Variants in SNX31 observed in about 807,000 individuals in gnomAD.
The protein encoded by SNX31 is sorting nexin-31.
A neutral mutation model predicts 65.4 loss-of-function variants in SNX31; 58 were observed. That is an observed-to-expected ratio of 0.89 (90% CI 0.72 to 1.10). The LOEUF is 1.10. Ranked by LOEUF, SNX31 falls within the 50% of genes least tolerant of loss-of-function variation. The probability of loss-of-function intolerance (pLI) is 0.00; values close to 1 mark genes in which losing one functional copy is unlikely to be tolerated. For missense variants in SNX31, 523 were observed against 529.7 expected (o/e 0.99, Z 0.12); for synonymous variants, 181 against 190.1 (o/e 0.95, Z 0.39).
chr8:100,608,413 C>T (rs1816383394), intron 8 of SNX31, 81 bp downstream of exon 8: 3 of 1,300,576 alleles, frequency 2.3e-6, no homozygotes, highest in Non-Finnish European at 3.3e-6. Flanking sequence ...GAATTACTAA[C>T]TGCCACATAA....
At chr8:100,624,431 AC>A in intron 4 of SNX31, among the ~76,000 whole-genome samples, 1 of 152,258 alleles carries the variant, frequency 6.6e-6, no homozygotes, top group Admixed American at 6.5e-5. Context: ...TCACTATTTC[AC>A]TGCTATTTTT....
chr8:100,659,432 A>C (rs190685240), intron 1 of SNX31, among the ~76,000 whole-genome samples: 3 of 151,560 alleles, frequency 2.0e-5, no homozygotes, highest in African/African-American at 7.3e-5. Context: ...GCACAGCAAG[A>C]CATTTCTGAG....
Position 100,630,481 on chromosome 8 carries a change from C to A in SNX31, c.257-90G>T. ...ATGTCCTCCAGAGATCCCTCCATGC[C>A]TTGCCAGTGCTCTGTCTCCTCCCTG... On this transcript the variant is annotated intron_variant, in intron 3 of 13. Coordinates refer to ENST00000311812, the MANE Select transcript of SNX31 (RefSeq NM_152628.4). The surrounding 1 kb of genome is among the most constrained non-coding windows in gnomAD (Gnocchi z 5.3). The A allele has an allele frequency of 9.8e-7, 1 of 1,025,378 alleles. No individual in the cohort carries two copies. The highest frequency in any genetic ancestry group is 1.4e-6 in the Non-Finnish European group (1 of 695,250). 63.5% of individuals were successfully genotyped at this position (1,025,378 alleles called of 1,614,324 possible). A position where few individuals can be genotyped will look rare whatever the true frequency, so the allele number is the denominator to read the frequency against.
Position 100,578,743 on chromosome 8 carries a change from A to G in SNX31, c.1171-1668T>C, listed in dbSNP as rs1813255740. On this transcript the variant is annotated intron_variant, in intron 12 of 13. Transcript: ENST00000311812. The surrounding 1 kb of genome is among the most constrained non-coding windows in gnomAD (Gnocchi z 4.7). ...TATTTTATTTTATTATTATTTTGAGACAGAGTCTCGCTGTGTTGCCCAGGC... is the reference window on the plus strand; with the variant it reads ...TATTTTATTTTATTATTATTTTGAGGCAGAGTCTCGCTGTGTTGCCCAGGC... 7.2e-6 allele frequency among the ~76,000 whole-genome samples: 1 copy of G among 139,094 alleles called. No individual in the cohort carries two copies. The highest frequency in any genetic ancestry group is 2.1e-4 in the South Asian group (1 of 4,662). The allele number at this position is 139,094 out of a possible 152,430, so 91.3% of individuals were successfully genotyped here.
At chr8:100,615,030 G>T (rs1026140798) in intron 5 of SNX31, among the ~76,000 whole-genome samples, 1 of 152,208 alleles carries the variant, frequency 6.6e-6, no homozygotes, top group African/African-American at 2.4e-5. Context: ...ATGGTTTTAT[G>T]CAAGCTAGAG....
intron 13 of SNX31, among the ~76,000 whole-genome samples, chr8:100,574,252 C>G (rs1586818856): frequency 6.6e-6 from 1 of 152,354 alleles, no homozygotes; most frequent in East Asian, 1.9e-4. Context: ...TGTCTTGCCT[C>G]TTTCCCCTCT....
upstream of SNX31, among the ~76,000 whole-genome samples, chr8:100,654,648 G>C (rs77368120): frequency 0.021 from 3,192 of 152,352 alleles, 64 homozygotes; most frequent in East Asian, 0.097. Context: ...CTGCTGAGAA[G>C]CACACGTCCC....
intron 4 of SNX31, among the ~76,000 whole-genome samples, chr8:100,627,612 G>T (rs1818131511): frequency 6.6e-6 from 1 of 152,128 alleles, no homozygotes; most frequent in Non-Finnish European, 1.5e-5. Context: ...CATGATCTCA[G>T]CTCACTGTAA....
intron 8 of SNX31, among the ~76,000 whole-genome samples, chr8:100,603,208 G>GA (rs1214841505): frequency 6.6e-6 from 1 of 152,188 alleles, no homozygotes; most frequent in Non-Finnish European, 1.5e-5. Context: ...TGTGAAGAAT[G>GA]AAACGCTGCC....
intron 3 of SNX31, among the ~76,000 whole-genome samples, chr8:100,633,479 C>T (rs1818547517): frequency 6.6e-6 from 1 of 152,130 alleles, no homozygotes; most frequent in Non-Finnish European, 1.5e-5. Flanking sequence ...TCTTGGCTCA[C>T]TGCAGCCTCC....
intron 1 of SNX31, among the ~76,000 whole-genome samples, chr8:100,657,014 C>G (rs1348607135): frequency 6.6e-6 from 1 of 152,178 alleles, no homozygotes; most frequent in Non-Finnish European, 1.5e-5. Flanking sequence ...ACAGTCATCA[C>G]CATGCTAATG....
At position 100,661,038 on chromosome 8, in the gene SNX31, C is replaced by T. The variant is rs571013870; in HGVS notation, c.-58+2104G>A. ...TTTTTTTTTTTGAGACAGGGTCTCTCTCTGTCGCCCAGGCTGGAGTGCAGT... is the reference window on the plus strand; with the variant it reads ...TTTTTTTTTTTGAGACAGGGTCTCTTTCTGTCGCCCAGGCTGGAGTGCAGT... On this transcript the variant is annotated intron_variant, in intron 1 of 5. Transcript: ENST00000520352. Among the ~76,000 whole-genome samples, 31 of 146,576 alleles carry T rather than the reference C, an allele frequency of 2.1e-4. No individual in the cohort carries two copies. In the East Asian group the frequency reaches 5.9e-3, roughly 28 times the overall value.
intron 11 of SNX31, among the ~76,000 whole-genome samples, chr8:100,584,748 CTTTT>C (rs531595486): frequency 7.4e-6 from 1 of 135,454 alleles, no homozygotes; most frequent in Non-Finnish European, 1.6e-5. Flanking sequence ...TTTTCTTTTT[CTTTT>C]TTTTTTTTTT....
At chr8:100,581,356 T>TATATATATAA (rs1313600568) in intron 12 of SNX31, among the ~76,000 whole-genome samples, 1 of 147,018 alleles carries the variant, frequency 6.8e-6, no homozygotes. Context: ...TATATATATA[T>TATATATATAA]AATTTAAGAA....
chr8:100,641,717 ATTTTT>A (rs34610614), intron 2 of SNX31, among the ~76,000 whole-genome samples: 1 of 117,760 alleles, frequency 8.5e-6, no homozygotes. Context: ...ACCTAGTATA[ATTTTT>A]TTTTTTTTTT....
intron 2 of SNX31, among the ~76,000 whole-genome samples, chr8:100,644,705 C>T (rs1437423213): frequency 1.3e-5 from 2 of 152,202 alleles, no homozygotes; most frequent in Non-Finnish European, 2.9e-5. Flanking sequence ...CCCTCTGTTG[C>T]CCAGCCTGGA....
chr8:100,620,580 G>A (rs1286185475), intron 4 of SNX31, among the ~76,000 whole-genome samples: 3 of 152,120 alleles, frequency 2.0e-5, no homozygotes, highest in African/African-American at 7.2e-5. Context: ...CTATATTTGT[G>A]TGTTGTATCT....
chr8:100,595,986 G>A (rs1314677394), intron 10 of SNX31, among the ~76,000 whole-genome samples: 1 of 152,202 alleles, frequency 6.6e-6, no homozygotes, highest in Non-Finnish European at 1.5e-5. Flanking sequence ...AGTATCGAAT[G>A]CCACAGAGAG....
intron 4 of SNX31, chr8:100,618,229 C>T: frequency 5.5e-6 from 8 of 1,441,940 alleles, no homozygotes; most frequent in Non-Finnish European, 7.4e-6. Flanking sequence ...AAAGGAGTAA[C>T]ATGAAGCTTA....
Sources: gnomAD v4.1 joint callset for allele counts (sites outside exome capture counted in the v4.1 genomes callset) on GRCh38, gnomAD v4.1.1 for gene constraint, Gnocchi (gnomAD v3.1) non-coding constraint, MANE v1.5 for transcripts, NCBI Gene and HGNC (gene_info 2026-07-23, HGNC 2026-07-21) for gene names.